KSR2: variants seen among roughly 807,000 people sequenced by gnomAD.
The protein encoded by KSR2 is kinase suppressor of ras 2.
In KSR2, 25 loss-of-function variants were observed where a neutral mutation model predicts 107.8. The observed-to-expected ratio is 0.23, with a 90% CI of 0.17 to 0.32. The LOEUF (loss-of-function observed/expected upper bound fraction) is 0.32. Ranked by LOEUF, KSR2 falls within the 10% of genes least tolerant of loss-of-function variation. The probability of loss-of-function intolerance (pLI) is 1.00; values close to 1 mark genes in which losing one functional copy is unlikely to be tolerated. For missense variants in KSR2, 887 were observed against 1,268.9 expected (o/e 0.70, Z 4.57); for synonymous variants, 480 against 507.0 (o/e 0.95, Z 0.71).
In KSR2 at chr12:117,568,323, G is replaced by A. The variant is rs144022835; in HGVS notation, c.1326-9750C>T. Among the ~76,000 whole-genome samples the A allele has an allele frequency of 9.2e-5, 14 of 152,278 alleles. No homozygotes were observed. The East Asian group carries it at 2.5e-3, about 27-fold the overall frequency. Reference sequence around the variant, plus strand: ...TCAAGAAAGGATGATGGGAGCATGTGGCAGGCTGGGGGAGGGATGAGGAAA... The same window carrying A: ...TCAAGAAAGGATGATGGGAGCATGTAGCAGGCTGGGGGAGGGATGAGGAAA... On this transcript the variant is annotated intron_variant, in intron 7 of 19. Coordinates refer to ENST00000339824, the MANE Select transcript of KSR2 (RefSeq NM_173598.6).
Position 117,761,077 on chromosome 12 carries a change from G to T in KSR2, c.920C>A (p.Ala307Glu). ...CTCGTGGGATTTGCTCCGATGCAGC[G>T]CGGTGAATCCCGGGATCAAGTGTAT... ...KLIHLIPGFT[A>E]LHRSKSHEFQ... The change falls in exon 4 of 20, where the codon GCG (alanine) becomes GAG (glutamate). Residue 307 changes from alanine (A) to glutamate (E), a missense_variant. Coordinates refer to ENST00000339824, the MANE Select transcript of KSR2 (RefSeq NM_173598.6). 1 of 1,613,798 alleles carries T rather than the reference G, an allele frequency of 6.2e-7. No homozygotes were observed.
intron 4 of KSR2, among the ~76,000 whole-genome samples, chr12:117,689,220 C>T (rs559758780): frequency 1.8e-4 from 27 of 152,274 alleles, no homozygotes; most frequent in African/African-American, 6.3e-4. Context: ...GTTGTCTTCA[C>T]AAATCAATGT....
chr12:117,466,948 C>A lies in KSR2; in HGVS notation c.*251G>T. 2.3e-6 allele frequency: 1 copy of A among 440,320 alleles called. No individual in the cohort carries two copies. Among genetic ancestry groups the A allele is most frequent in the Non-Finnish European group, 4.0e-6 (1 of 250,936 alleles). The allele number at this position is 440,320 out of a possible 1,614,324, so 27.3% of individuals were successfully genotyped here. On this transcript the variant is annotated 3_prime_UTR_variant, in exon 20 of 20. Coordinates refer to ENST00000339824, the MANE Select transcript of KSR2 (RefSeq NM_173598.6). ...CATTAGTGCTGTCCCCTGGGCCGCA[C>A]TGATCAATAACGCATCACCCTGGCT...
intron 5 of KSR2, among the ~76,000 whole-genome samples, chr12:117,661,910 C>G (rs1046455832): frequency 1.3e-5 from 2 of 152,158 alleles, no homozygotes; most frequent in Non-Finnish European, 2.9e-5. Flanking sequence ...CAGTGCTTTT[C>G]TTTAGGAACT....
At chr12:117,606,590 T>TTCTTTCC (rs1565923095) in intron 5 of KSR2, among the ~76,000 whole-genome samples, 1,495 of 15,718 alleles carry the variant, frequency 0.095, 214 homozygotes, top group East Asian at 0.21. Context: ...CCCTTCTTCC[T>TTCTTTCC]TCCTTCTTTC....
intron 4 of KSR2, among the ~76,000 whole-genome samples, chr12:117,716,554 T>C (rs1362239393): frequency 6.6e-6 from 1 of 152,238 alleles, no homozygotes; most frequent in African/African-American, 2.4e-5. Context: ...TAAAATAAAT[T>C]ATTAAAACCA....
At chr12:117,519,902 T>C (rs1874635314) in intron 14 of KSR2, among the ~76,000 whole-genome samples, 1 of 152,142 alleles carries the variant, frequency 6.6e-6, no homozygotes, top group African/African-American at 2.4e-5. Flanking sequence ...AACTCAGTTC[T>C]AATAGGCCAG....
At chr12:117,486,930 G>A (rs1424413193) in intron 14 of KSR2, among the ~76,000 whole-genome samples, 1 of 152,046 alleles carries the variant, frequency 6.6e-6, no homozygotes, top group East Asian at 1.9e-4. Context: ...GGAGCATGGG[G>A]GCTTAGAGTA....
Position 117,688,981 on chromosome 12 carries a change from T to C in KSR2, c.987-21323A>G, listed in dbSNP as rs112039880. 1.3e-3 allele frequency among the ~76,000 whole-genome samples: 203 copies of C among 152,296 alleles called. 1 individual carries two copies. The highest frequency in any genetic ancestry group is 4.4e-3 in the African/African-American group (184 of 41,558). ...ATTACACACATAGTAGGTATTTTCATTGCAAAAGATTCACACATATAGTCA... is the reference window on the plus strand; with the variant it reads ...ATTACACACATAGTAGGTATTTTCACTGCAAAAGATTCACACATATAGTCA... On this transcript the variant is annotated intron_variant, in intron 4 of 19. Coordinates refer to ENST00000339824, the MANE Select transcript of KSR2 (RefSeq NM_173598.6).
intron 6 of KSR2, among the ~76,000 whole-genome samples, chr12:117,581,042 TTCTC>T (rs746630210): frequency 6.6e-5 from 10 of 152,204 alleles, no homozygotes; most frequent in Non-Finnish European, 1.5e-4. Context: ...TTTGATGCCT[TTCTC>T]TCTGCAGCTC....
intron 4 of KSR2, among the ~76,000 whole-genome samples, chr12:117,701,739 A>G (rs2136619314): frequency 6.6e-6 from 1 of 152,252 alleles, no homozygotes; most frequent in East Asian, 1.9e-4. Context: ...AGAACAGAGA[A>G]GAAGGCCTTG....
intron 14 of KSR2, among the ~76,000 whole-genome samples, chr12:117,496,416 T>C (rs1467640823): frequency 7.2e-5 from 11 of 152,178 alleles, no homozygotes; most frequent in Non-Finnish European, 1.5e-4. Flanking sequence ...CAATCCTGCA[T>C]CATATTTTCT....
At chr12:117,813,721 T>C (rs6490157) in intron 3 of KSR2, among the ~76,000 whole-genome samples, 95,782 of 152,042 alleles carry the variant, frequency 0.63, 32,008 homozygotes, top group African/African-American at 0.85. Context: ...ATGGAAGTTC[T>C]TTAGAAAACT....
intron 14 of KSR2, among the ~76,000 whole-genome samples, chr12:117,488,403 G>A (rs1872583368): frequency 6.6e-6 from 1 of 152,158 alleles, no homozygotes; most frequent in Non-Finnish European, 1.5e-5. Flanking sequence ...GAACCAACCT[G>A]CAATGGATTG....
At chr12:117,783,537 G>A (rs1312059146) in intron 3 of KSR2, among the ~76,000 whole-genome samples, 1 of 152,174 alleles carries the variant, frequency 6.6e-6, no homozygotes, top group African/African-American at 2.4e-5. Flanking sequence ...GATAGAGCAA[G>A]CCCACCAAAG....
intron 1 of KSR2, among the ~76,000 whole-genome samples, chr12:117,884,073 T>C (rs1313707361): frequency 6.6e-6 from 1 of 151,982 alleles, no homozygotes; most frequent in Non-Finnish European, 1.5e-5. Flanking sequence ...AGCAACCTAG[T>C]GAGAAATGGG....
chr12:117,692,257 T>C (rs1206193247), intron 4 of KSR2, among the ~76,000 whole-genome samples: 1 of 151,856 alleles, frequency 6.6e-6, no homozygotes, highest in Non-Finnish European at 1.5e-5. Flanking sequence ...CAGAAGGAGA[T>C]ACCACTTCAC....
At chr12:117,534,602 G>A (rs1191871731) in intron 10 of KSR2, among the ~76,000 whole-genome samples, 1 of 152,056 alleles carries the variant, frequency 6.6e-6, no homozygotes, top group African/African-American at 2.4e-5. Context: ...AACTGGGGCT[G>A]TTGTCGGCAG....
intron 4 of KSR2, among the ~76,000 whole-genome samples, chr12:117,682,646 C>T (rs908679216): frequency 6.6e-6 from 1 of 151,906 alleles, no homozygotes; most frequent in Non-Finnish European, 1.5e-5. Context: ...CTCAAACTCC[C>T]GACCTCGGCT....
Sources: allele counts gnomAD v4.1 joint callset (sites outside exome capture counted in the v4.1 genomes callset), GRCh38; gene constraint gnomAD v4.1.1; transcripts MANE v1.5; gene names NCBI Gene and HGNC (gene_info 2026-07-23, HGNC 2026-07-21).